The following CIAO3 variants were observed in gnomAD, a reference collection of about 807,000 sequenced individuals.
CIAO3 encodes the protein LET1 like/JFP15.
A neutral mutation model predicts 51.5 loss-of-function variants in CIAO3; 45 were observed. That is an observed-to-expected ratio of 0.87 (90% CI 0.69 to 1.12). The LOEUF is 1.12. Ranked by LOEUF, CIAO3 falls within the 50% of genes most tolerant of loss-of-function variation. The pLI, the probability that CIAO3 is intolerant of heterozygous loss-of-function variation, is 0.00. For missense variants in CIAO3, 668 were observed against 632.5 expected (o/e 1.06, Z -0.60); for synonymous variants, 314 against 269.3 (o/e 1.17, Z -1.63).
intron 2 of CIAO3, among the ~76,000 whole-genome samples, chr16:739,008 GGGGTCT>G (rs2041366049): frequency 6.7e-6 from 1 of 150,332 alleles, no homozygotes; most frequent in Non-Finnish European, 1.5e-5. Flanking sequence ...TTAAGAATGA[GGGGTCT>G]GGGCTGGGCG....
Position 731,717 on chromosome 16 carries a change from G to A in CIAO3, c.897-15C>T, listed in dbSNP as rs975261145. Reference sequence around the variant, plus strand: ...CACCGCTGCACCTGGCAAGGAGGGAGGGGCCTCAGCACAGCTGGGGCTGCT... The same window carrying A: ...CACCGCTGCACCTGGCAAGGAGGGAAGGGCCTCAGCACAGCTGGGGCTGCT... On this transcript the variant is annotated splice_polypyrimidine_tract_variant and intron_variant, in intron 8 of 10. Coordinates refer to ENST00000251588, the MANE Select transcript of CIAO3 (RefSeq NM_022493.3). 3.9e-6 allele frequency: 6 copies of A among 1,543,316 alleles called. No homozygotes were observed. In the African/African-American group the frequency reaches 5.4e-5, roughly 14 times the overall value.
rs767378077 is a variant in CIAO3 at position 739,520 on chromosome 16, T to C, written c.162+123A>G. On this transcript the variant is annotated intron_variant, in intron 2 of 10. Coordinates refer to ENST00000251588, the MANE Select transcript of CIAO3 (RefSeq NM_022493.3). Reference sequence around the variant, plus strand: ...CCAGATGGCAGGTGAATTCGACCAGTGGGAAAAGACTGGTGAGACCTGGAG... The same window carrying C: ...CCAGATGGCAGGTGAATTCGACCAGCGGGAAAAGACTGGTGAGACCTGGAG... 5.0e-6 allele frequency: 5 copies of C among 1,001,012 alleles called. No individual in the cohort carries two copies. The South Asian group carries it at 6.7e-5, about 13-fold the overall frequency. The allele number at this position is 1,001,012 out of a possible 1,614,324, so 62.0% of individuals were successfully genotyped here.
At position 730,618 on chromosome 16, in the gene CIAO3, G is replaced by C. The variant is rs1048485093; in HGVS notation, c.1230C>G (p.Asp410Glu). ...LNGGGQLQAP[D>E]RPSRELLQHV... is the part of the protein sequence containing the mutation. ...GCTGGAGGAGCTCTCTGCTGGGCCT[G>C]TCTGGGGCCTGGAGCTGGCCCCCGC... Residue 410 changes from aspartate to glutamate, a missense_variant, in exon 11 of 11, where the codon GAC becomes GAG. By Grantham distance (45) the Asp-to-Glu change is conservative. Coordinates refer to ENST00000251588, the MANE Select transcript of CIAO3 (RefSeq NM_022493.3). 5.6e-6 allele frequency: 9 copies of C among 1,610,136 alleles called. No individual in the cohort carries two copies. Among genetic ancestry groups the C allele is most frequent in the East Asian group, 2.2e-5 (1 of 44,890 alleles).
intron 1 of CIAO3, chr16:740,440 G>A: frequency 6.4e-6 from 2 of 310,570 alleles, no homozygotes; most frequent in South Asian, 2.8e-5. Flanking sequence ...GGTCCCCACC[G>A]CACCCGTTTA....
chr16:731,747 G>A (rs966810871), intron 8 of CIAO3, 45 bp from the exon 9 acceptor site: 4 of 1,499,100 alleles, frequency 2.7e-6, no homozygotes, highest in Non-Finnish European at 3.6e-6. Context: ...GCTGCTGCCT[G>A]CCAACCTCCC....
At position 734,930 on chromosome 16, in the gene CIAO3, G is replaced by A. The variant is rs965236166; in HGVS notation, c.440-59C>T. 9.4e-6 allele frequency: 14 copies of A among 1,482,982 alleles called. No individual in the cohort carries two copies. In the African/African-American group the frequency reaches 1.1e-4, roughly 12 times the overall value. 91.9% of individuals were successfully genotyped at this position (1,482,982 alleles called of 1,614,324 possible). A position where few individuals can be genotyped will look rare whatever the true frequency, so the allele number is the denominator to read the frequency against. On this transcript the variant is annotated intron_variant, in intron 4 of 10. Transcript: ENST00000251588. ...ATGCGGGACGCCCACACGAGCACAC[G>A]CCGGCGTGTGGACCACCATGGTGCT...
rs1567345504 is a variant in CIAO3, at chr16:736,375, C to T, written c.330G>A (p.Arg110=). 1.2e-6 allele frequency: 2 copies of T among 1,612,986 alleles called. No homozygotes were observed. Among genetic ancestry groups the T allele is most frequent in the Middle Eastern group, 1.7e-4 (1 of 6,056 alleles). The part of the protein sequence containing the change: ...ANKMAAPSQQ[R]LVVVSVSPQS... ...GTGGTGAGACCGAAACTACAACCAGCCTCTGCTGACTGGGTGCCGCCATCT... is the reference window on the plus strand; with the variant it reads ...GTGGTGAGACCGAAACTACAACCAGTCTCTGCTGACTGGGTGCCGCCATCT... The change falls in exon 4 of 11, where the codon AGG becomes AGA. Residue 110 remains arginine (R), a synonymous_variant. Transcript: ENST00000251588.
intron 1 of CIAO3, 132 bp from the exon 2 acceptor site, chr16:739,870 G>A: frequency 6.6e-6 from 8 of 1,217,894 alleles, no homozygotes; most frequent in Non-Finnish European, 9.3e-6. Context: ...CAGGGACTGA[G>A]GCTGGTCCCA....
chr16:731,572 GT>G lies in CIAO3; in HGVS notation c.1026del (p.Lys342AsnfsTer3). 1 of 1,566,648 alleles carries G rather than the reference GT, an allele frequency of 6.4e-7. No homozygotes were observed. The highest frequency in any genetic ancestry group is 8.6e-7 in the Non-Finnish European group (1 of 1,156,284). Reference protein sequence around the residue: ...FGIHVAEVTYKPLRNKDFQEV... With the variant: ...FGIHVAEVTYXPLRNKDFQEV... Reference sequence around the variant, plus strand: ...CTGGCCCATCCCACTGACCTCAGGGGTTTGTAGGTAACCTCAGCCACATGGA... The same window carrying G: ...CTGGCCCATCCCACTGACCTCAGGGGTTGTAGGTAACCTCAGCCACATGGA... On this transcript the variant is annotated frameshift_variant, in exon 9 of 11. Coordinates refer to ENST00000251588, the MANE Select transcript of CIAO3 (RefSeq NM_022493.3). LOFTEE classifies it high-confidence loss of function.
chr16:737,093 G>C lies in CIAO3; in HGVS notation c.306+93C>G. ...AGGCGCCACCCGCACGACGGACGTCGGCACCACACGAGCTGCCCTTGGCAA... is the reference window on the plus strand; with the variant it reads ...AGGCGCCACCCGCACGACGGACGTCCGCACCACACGAGCTGCCCTTGGCAA... On this transcript the variant is annotated intron_variant, in intron 3 of 10. Coordinates refer to ENST00000251588, the MANE Select transcript of CIAO3 (RefSeq NM_022493.3). The surrounding 1 kb of genome is among the most constrained non-coding windows in gnomAD (Gnocchi z 5.3). 6.4e-7 allele frequency: 1 copy of C among 1,555,914 alleles called. No individual in the cohort carries two copies. The highest frequency in any genetic ancestry group is 8.8e-7 in the Non-Finnish European group (1 of 1,133,430).
rs1356567271 is a variant in CIAO3 at position 737,823 on chromosome 16, C to T, written c.163-494G>A. 1.4e-5 allele frequency: 17 copies of T among 1,190,438 alleles called. No individual in the cohort carries two copies. The highest frequency in any genetic ancestry group is 3.8e-4 in the Middle Eastern group (1 of 2,662). 73.7% of individuals were successfully genotyped at this position (1,190,438 alleles called of 1,614,324 possible). On this transcript the variant is annotated intron_variant, in intron 2 of 10. Transcript: ENST00000251588. The surrounding 1 kb of genome is among the most constrained non-coding windows in gnomAD (Gnocchi z 5.3). ...GCGGGGCAGAAACAACCGTCAGACTCGCCAAACAGATGCAGGAACAAGGTG... is the reference window on the plus strand; with the variant it reads ...GCGGGGCAGAAACAACCGTCAGACTTGCCAAACAGATGCAGGAACAAGGTG...
intron 9 of CIAO3, 101 bp downstream of exon 9, chr16:731,464 C>T (rs1039545408): frequency 7.1e-7 from 1 of 1,411,336 alleles, no homozygotes; most frequent in African/African-American, 1.4e-5. Context: ...TGCCCTCCAC[C>T]CAGCCCACCT....
chr16:734,007 G>C (rs1290631272), intron 6 of CIAO3: 1 of 536,294 alleles, frequency 1.9e-6, no homozygotes, highest in Non-Finnish European at 3.4e-6. Context: ...CCTCAGGCCT[G>C]GCTGCCTCTG....
In CIAO3 at chr16:734,759, G is replaced by T; in HGVS notation, c.552C>A (p.Pro184=). 2 of 1,612,222 alleles carry T rather than the reference G, an allele frequency of 1.2e-6. No individual in the cohort carries two copies. The highest frequency in any genetic ancestry group is 1.7e-6 in the Non-Finnish European group (2 of 1,179,382). ...CACCTGGGCAGGCAGAGGCCAGCAG[G>T]GGCAGCGCCTGTCTGCAGTCGGCCT... is the stretch of plus-strand genomic sequence containing the variant. ...RGQADCRQAL[P]LLASACPGWI... The change falls in exon 5 of 11, where the codon CCC becomes CCA. Residue 184 remains proline (P), a synonymous_variant. Coordinates refer to ENST00000251588, the MANE Select transcript of CIAO3 (RefSeq NM_022493.3).
chr16:731,970 G>T, intron 8 of CIAO3: 1 of 535,640 alleles, frequency 1.9e-6, no homozygotes, highest in Non-Finnish European at 3.3e-6. Flanking sequence ...CTGGGTTCAA[G>T]CAATTCTCAT....
intron 3 of CIAO3, among the ~76,000 whole-genome samples, chr16:736,609 C>T (rs1412472465): frequency 6.6e-6 from 1 of 152,054 alleles, no homozygotes; most frequent in Non-Finnish European, 1.5e-5. Context: ...ACCTCCGCCT[C>T]CCAGGTTCAG....
chr16:739,454 C>A (rs1445205628), intron 2 of CIAO3, 189 bp downstream of exon 2: 1 of 626,040 alleles, frequency 1.6e-6, no homozygotes, highest in Non-Finnish European at 2.9e-6. Context: ...GGCCTGGGTG[C>A]TGCTCATTCA....
intron 6 of CIAO3, 68 bp from the exon 7 acceptor site, chr16:733,495 C>G: frequency 1.2e-6 from 2 of 1,603,168 alleles, no homozygotes; most frequent in Non-Finnish European, 1.7e-6. Flanking sequence ...GGACCTGGAA[C>G]TCAGCCATCC....
Position 735,090 on chromosome 16 carries a change from CCT to C in CIAO3, c.440-221_440-220del, listed in dbSNP as rs775464174. On this transcript the variant is annotated intron_variant, in intron 4 of 10. Transcript: ENST00000251588. ...CTAAAGCCACGTTGCCTCGGCATCC[CCT>C]GTGAACCCAGGCCTTGGTTTCCCAC... 727 of 548,388 alleles carry C rather than the reference CCT, an allele frequency of 1.3e-3. 2 individuals are homozygous for C. Among genetic ancestry groups the C allele is most frequent in the Non-Finnish European group, 1.9e-3 (629 of 327,336 alleles). 34.0% of individuals were successfully genotyped at this position (548,388 alleles called of 1,614,324 possible). A position where few individuals can be genotyped will look rare whatever the true frequency, so the allele number is the denominator to read the frequency against.
Sources: gnomAD v4.1 joint callset for allele counts (sites outside exome capture counted in the v4.1 genomes callset) on GRCh38, gnomAD v4.1.1 for gene constraint, Gnocchi (gnomAD v3.1) non-coding constraint, MANE v1.5 for transcripts, NCBI Gene and HGNC (gene_info 2026-07-23, HGNC 2026-07-21) for gene names.